PLXNA4: variants seen among roughly 807,000 people sequenced by gnomAD.
The protein encoded by PLXNA4 is plexin A4.
In PLXNA4, 44 loss-of-function variants were observed where a neutral mutation model predicts 191.8. That is an observed-to-expected ratio of 0.23 (90% CI 0.18 to 0.29). The LOEUF (loss-of-function observed/expected upper bound fraction) is 0.29, where lower values mean the gene tolerates loss of function less well. Among genes scored for constraint, PLXNA4 ranks in the 10% least tolerant of loss-of-function variants. PLXNA4 has a pLI of 1.00. For missense variants in PLXNA4, 1,800 were observed against 2,488.8 expected (o/e 0.72, Z 5.89); for synonymous variants, 1,082 against 1,009.5 (o/e 1.07, Z -1.36).
intron 2 of PLXNA4, among the ~76,000 whole-genome samples, chr7:132,590,031 GGTA>G (rs1281399421): frequency 1.3e-5 from 2 of 152,172 alleles, no homozygotes; most frequent in African/African-American, 4.8e-5. Flanking sequence ...GGTCAATGTG[GGTA>G]GAACTATGCA....
At chr7:132,627,593 GT>G (rs1230698535) in intron 2 of PLXNA4, among the ~76,000 whole-genome samples, 1 of 152,192 alleles carries the variant, frequency 6.6e-6, no homozygotes. Context: ...TTAAGAGAAA[GT>G]GATTAGGTCA....
At chr7:132,217,030 C>CG (rs1562972396) in intron 9 of PLXNA4, among the ~76,000 whole-genome samples, 1 of 152,194 alleles carries the variant, frequency 6.6e-6, no homozygotes, top group African/African-American at 2.4e-5. Context: ...TCTAAGAATG[C>CG]AGGGGGGTGA....
chr7:132,489,211 C>CA (rs1302795179), intron 3 of PLXNA4, 81 bp downstream of exon 3: 5 of 1,436,244 alleles, frequency 3.5e-6, no homozygotes, highest in Non-Finnish European at 4.7e-6. Flanking sequence ...CCCAAGTTAG[C>CA]AAAAAGATGT....
At chr7:132,156,773 T>A (rs1012268955) in intron 25 of PLXNA4, among the ~76,000 whole-genome samples, 11 of 152,234 alleles carry the variant, frequency 7.2e-5, no homozygotes, top group Non-Finnish European at 4.4e-5. Flanking sequence ...CTTGCCTTGC[T>A]TCTCTCTCCC....
At chr7:132,186,986 C>T (rs957361009) in intron 15 of PLXNA4, among the ~76,000 whole-genome samples, 8 of 152,126 alleles carry the variant, frequency 5.3e-5, no homozygotes, top group African/African-American at 1.9e-4. Context: ...ATTGTAAAAC[C>T]TAAGATCACT....
intron 2 of PLXNA4, among the ~76,000 whole-genome samples, chr7:132,593,046 G>T (rs1802631926): frequency 6.6e-6 from 1 of 152,182 alleles, no homozygotes; most frequent in African/African-American, 2.4e-5. Context: ...CAAATGACAG[G>T]GTGGCAAGCC....
intron 12 of PLXNA4, among the ~76,000 whole-genome samples, chr7:132,201,561 T>C (rs1431651663): frequency 6.6e-6 from 1 of 152,184 alleles, no homozygotes; most frequent in Non-Finnish European, 1.5e-5. Flanking sequence ...TCCCTCTTCC[T>C]GCTGCTTCAT....
chr7:132,430,062 A>C (rs73726059), intron 3 of PLXNA4, among the ~76,000 whole-genome samples: 9,917 of 152,136 alleles, frequency 0.065, 1,032 homozygotes, highest in African/African-American at 0.22. Flanking sequence ...GTGGCATATG[A>C]GGTAATAAGA....
At chr7:132,450,744 C>T (rs1297006530) in intron 3 of PLXNA4, among the ~76,000 whole-genome samples, 3 of 152,186 alleles carry the variant, frequency 2.0e-5, no homozygotes, top group Non-Finnish European at 2.9e-5. Context: ...TCCTAGCCCC[C>T]TTAGTGGGCC....
intron 12 of PLXNA4, among the ~76,000 whole-genome samples, chr7:132,201,630 C>A (rs1402906352): frequency 6.6e-6 from 1 of 152,196 alleles, no homozygotes; most frequent in Non-Finnish European, 1.5e-5. Flanking sequence ...TGTGCTCAGC[C>A]CTGAGCTGGA....
chr7:132,337,111 G>T (rs1802848018), intron 3 of PLXNA4, among the ~76,000 whole-genome samples: 2 of 152,204 alleles, frequency 1.3e-5, no homozygotes, highest in Admixed American at 1.3e-4. Flanking sequence ...GTGGCAATGT[G>T]TCCGCAGGGC....
chr7:132,630,255 T>C (rs960163390), intron 2 of PLXNA4, among the ~76,000 whole-genome samples: 1 of 152,202 alleles, frequency 6.6e-6, no homozygotes, highest in African/African-American at 2.4e-5. Context: ...ACAAATACAG[T>C]CACACTGGGT....
intron 2 of PLXNA4, among the ~76,000 whole-genome samples, chr7:132,630,140 T>G (rs575255379): frequency 2.0e-5 from 3 of 151,988 alleles, no homozygotes; most frequent in African/African-American, 7.2e-5. Context: ...ATGAGCCACC[T>G]CACCCGGCCT....
At chr7:132,642,863 T>C (rs1204678430) in intron 2 of PLXNA4, among the ~76,000 whole-genome samples, 2 of 152,218 alleles carry the variant, frequency 1.3e-5, no homozygotes, top group African/African-American at 4.8e-5. Context: ...AAGTGCTAGA[T>C]GCAAAAGGTG....
intron 3 of PLXNA4, chr7:132,384,755 C>G: frequency 4.2e-6 from 3 of 713,932 alleles, no homozygotes; most frequent in Non-Finnish European, 5.2e-6. Flanking sequence ...TACACACACA[C>G]ACACACACAC....
chr7:132,132,472 G>T lies in PLXNA4; in HGVS notation c.5589+577C>A, dbSNP rs200362747. ...GTTCTGTTCTGTTCTGTTCTGCTCT[G>T]CTCTGCTCTGCTCTGCTCTATTCTT... On this transcript the variant is annotated intron_variant, in intron 31 of 31. Coordinates refer to ENST00000321063, the MANE Select transcript of PLXNA4 (RefSeq NM_020911.2). Among the ~76,000 whole-genome samples, 446 of 50,910 alleles carry T rather than the reference G, an allele frequency of 8.8e-3. 10 individuals are homozygous for T. The highest frequency in any genetic ancestry group is 0.011 in the Admixed American group (45 of 4,082). 33.4% of individuals were successfully genotyped at this position (50,910 alleles called of 152,430 possible).
chr7:132,564,718 C>T (rs778083095), intron 1 of PLXNA4, among the ~76,000 whole-genome samples: 1 of 152,164 alleles, frequency 6.6e-6, no homozygotes. Flanking sequence ...TCATATCAAC[C>T]TCTCTTACTA....
chr7:132,268,201 G>A (rs780331842), intron 4 of PLXNA4, among the ~76,000 whole-genome samples: 7 of 152,164 alleles, frequency 4.6e-5, no homozygotes, highest in African/African-American at 1.2e-4. Flanking sequence ...AACGTGGCTG[G>A]CATAGAGCTC....
chr7:132,552,729 A>G (rs1387875893), intron 1 of PLXNA4, among the ~76,000 whole-genome samples: 1 of 152,198 alleles, frequency 6.6e-6, no homozygotes, highest in Non-Finnish European at 1.5e-5. Context: ...GCCACAAAAC[A>G]CTGGACAGAA....
Sources: allele counts gnomAD v4.1 joint callset (sites outside exome capture counted in the v4.1 genomes callset), GRCh38; gene constraint gnomAD v4.1.1; transcripts MANE v1.5; gene names NCBI Gene and HGNC (gene_info 2026-07-23, HGNC 2026-07-21).